SHOC1: variants seen among roughly 807,000 people sequenced by gnomAD.
The protein encoded by SHOC1 is shortage in chiasmata 1.
A neutral mutation model predicts 179.2 loss-of-function variants in SHOC1; 136 were observed. The ratio of observed to expected loss-of-function variants is 0.76; its 90% confidence interval spans 0.66 to 0.87. The LOEUF (loss-of-function observed/expected upper bound fraction) is 0.87, where lower values mean the gene tolerates loss of function less well. Ranked by LOEUF, SHOC1 falls within the 40% of genes least tolerant of loss-of-function variation. The probability of loss-of-function intolerance (pLI) is 0.00; values close to 1 mark genes in which losing one functional copy is unlikely to be tolerated. For missense variants in SHOC1, 1,538 were observed against 1,700.8 expected, an observed-to-expected ratio of 0.90 and a Z score of 1.68; for synonymous variants, 489 against 586.6, an observed-to-expected ratio of 0.83 and a Z score of 2.41.
chr9:111,688,786 A>G (rs1831293978), intron 27 of SHOC1, among the ~76,000 whole-genome samples: 1 of 150,482 alleles, frequency 6.6e-6, no homozygotes, highest in South Asian at 2.1e-4. Flanking sequence ...TAGAGTCTTT[A>G]ACATGCCATT....
intron 12 of SHOC1, among the ~76,000 whole-genome samples, chr9:111,728,694 G>A (rs1438791480): frequency 6.6e-6 from 1 of 152,182 alleles, no homozygotes; most frequent in Non-Finnish European, 1.5e-5. Flanking sequence ...CCACTAATGG[G>A]TACAGGATTT....
chr9:111,692,383 A>C lies in SHOC1; in HGVS notation c.3594T>G (p.Asp1198Glu), dbSNP rs528797120. ...STLSSQSSAS[D>E]LDSVIQEHNE... ...TATGTTCTTGAATGACAGAGTCTAAATCAGAAGCTGAACTTTGAGAAGACA... is the reference window on the plus strand; with the variant it reads ...TATGTTCTTGAATGACAGAGTCTAACTCAGAAGCTGAACTTTGAGAAGACA... Residue 1198 changes from aspartate to glutamate, a missense_variant, in exon 27 of 28, where the codon GAT becomes GAG. Asp to Glu is a conservative substitution (Grantham distance 45). Transcript: ENST00000682961. 4 of 1,613,596 alleles carry C rather than the reference A, an allele frequency of 2.5e-6. No individual in the cohort carries two copies. Among genetic ancestry groups the C allele is most frequent in the Non-Finnish European group, 3.4e-6 (4 of 1,179,808 alleles).
rs1833394496 is a variant in SHOC1 at position 111,728,127 on chromosome 9, A to G, written c.1418-78T>C. On this transcript the variant is annotated intron_variant, in intron 12 of 27. Coordinates refer to ENST00000682961, the MANE Select transcript of SHOC1 (RefSeq NM_001378211.1). The stretch of plus-strand genomic sequence containing the variant: ...TCTATTAGGTATTTGAATAACTTTT[A>G]GTTGTGGTTTCTTATTAATGTAATT... The G allele has an allele frequency of 3.9e-6, 4 of 1,036,394 alleles. No individual in the cohort carries two copies. The South Asian group carries it at 9.4e-5, about 24-fold the overall frequency. 64.2% of individuals were successfully genotyped at this position (1,036,394 alleles called of 1,614,324 possible).
chr9:111,772,550 G>A (rs823651), intron 5 of SHOC1, among the ~76,000 whole-genome samples: 11,567 of 152,176 alleles, frequency 0.076, 633 homozygotes, highest in South Asian at 0.21. Flanking sequence ...ACTTGTCTTG[G>A]TTTTTATTGG....
intron 1 of SHOC1, 21 bp from the exon 2 acceptor site, chr9:111,791,475 A>G: frequency 8.5e-7 from 1 of 1,173,464 alleles, no homozygotes; most frequent in East Asian, 2.9e-5. Context: ...AAAAATTAAA[A>G]TTAAACACTG....
At chr9:111,768,278 T>C (rs1589459298) in intron 5 of SHOC1, among the ~76,000 whole-genome samples, 1 of 151,120 alleles carries the variant, frequency 6.6e-6, no homozygotes, top group African/African-American at 2.4e-5. Context: ...CAGGCTGGAG[T>C]GCAGTGGTGA....
chr9:111,738,394 G>A lies in SHOC1; in HGVS notation c.1303C>T (p.Leu435=). 6.2e-7 allele frequency: 1 copy of A among 1,613,012 alleles called. No individual in the cohort carries two copies. Among genetic ancestry groups the A allele is most frequent in the South Asian group, 1.1e-5 (1 of 90,994 alleles). The change falls in exon 12 of 28, where the codon CTG becomes TTG. Residue 435 remains leucine (L), a synonymous_variant. Transcript: ENST00000682961. The stretch of plus-strand genomic sequence containing the variant: ...TGTTCCAATGTTTCCATCATTTTCA[G>A]ATTTAGTCCTGCTTGTTTCCACCAC... ...AEWWKQAGLN[L]KMMETLEHLN... is the part of the protein sequence containing the mutation.
chr9:111,710,553 T>G (rs1435292085), intron 18 of SHOC1, among the ~76,000 whole-genome samples: 1 of 151,974 alleles, frequency 6.6e-6, no homozygotes, highest in Non-Finnish European at 1.5e-5. Flanking sequence ...TTTTCCTGAG[T>G]GCTGGGAATA....
At chr9:111,702,555 C>CTAGTCCTTTGTGG (rs1832033177) in intron 22 of SHOC1, among the ~76,000 whole-genome samples, 1 of 152,194 alleles carries the variant, frequency 6.6e-6, no homozygotes. Context: ...TAATCAGATC[C>CTAGTCCTTTGTGG]TAGTCCTTTG....
At chr9:111,776,033 A>T in intron 4 of SHOC1, 58 bp from the exon 5 acceptor site, 1 of 1,341,302 alleles carries the variant, frequency 7.5e-7, no homozygotes, top group Non-Finnish European at 1.0e-6. Context: ...CACTTTTATT[A>T]GTAGATAATA....
At chr9:111,720,742 T>C (rs7865851) in intron 15 of SHOC1, among the ~76,000 whole-genome samples, 122,128 of 152,138 alleles carry the variant, frequency 0.8, 49,210 homozygotes, top group East Asian at 0.92. Flanking sequence ...TGCCATTAAT[T>C]GCATCCACTA....
chr9:111,703,983 G>C lies in SHOC1; in HGVS notation c.2865C>G (p.Ile955Met). Residue 955 changes from isoleucine (I) to methionine (M), a missense_variant, in exon 22 of 28, where the codon ATC becomes ATG. Physicochemically the swap from Ile to Met is conservative, Grantham distance 10. Coordinates refer to ENST00000682961, the MANE Select transcript of SHOC1 (RefSeq NM_001378211.1). ...CACTGCAGCCTCTCTCTACTAGTGAGATGTTATAGCTGTAAAATACAATAT... is the reference window on the plus strand; with the variant it reads ...CACTGCAGCCTCTCTCTACTAGTGACATGTTATAGCTGTAAAATACAATAT... ...ILQLLESNYN[I>M]SLVERGCSES... 1 of 1,558,372 alleles carries C rather than the reference G, an allele frequency of 6.4e-7. No homozygotes were observed. Among genetic ancestry groups the C allele is most frequent in the Non-Finnish European group, 8.8e-7 (1 of 1,138,348 alleles).
In SHOC1 at chr9:111,727,880, T is replaced by G. The variant is rs1463744044; in HGVS notation, c.1587A>C (p.Lys529Asn). The change falls in exon 13 of 28, where the codon AAA (lysine) becomes AAC (asparagine). Residue 529 changes from lysine (K) to asparagine (N), a missense_variant. Coordinates refer to ENST00000682961, the MANE Select transcript of SHOC1 (RefSeq NM_001378211.1). Reference protein sequence around the residue: ...FSDKGAAKEEKPKNDQEPVNR... With the variant: ...FSDKGAAKEENPKNDQEPVNR... ...TTACTGGTTCTTGGTCATTCTTTGGTTTTTCTTCTTTTGCTGCTCCTTTAT... is the reference window on the plus strand; with the variant it reads ...TTACTGGTTCTTGGTCATTCTTTGGGTTTTCTTCTTTTGCTGCTCCTTTAT... 1.9e-6 allele frequency: 3 copies of G among 1,612,944 alleles called. No homozygotes were observed. The highest frequency in any genetic ancestry group is 2.5e-6 in the Non-Finnish European group (3 of 1,179,586).
intron 5 of SHOC1, among the ~76,000 whole-genome samples, chr9:111,772,590 A>G (rs1425149088): frequency 6.6e-6 from 1 of 152,028 alleles, no homozygotes; most frequent in African/African-American, 2.4e-5. Context: ...CTTCACTACT[A>G]TTGCCTTTTT....
chr9:111,709,813 G>A (rs1173207543), intron 18 of SHOC1, among the ~76,000 whole-genome samples: 1 of 152,030 alleles, frequency 6.6e-6, no homozygotes, highest in Non-Finnish European at 1.5e-5. Context: ...GGGGATGGAG[G>A]GGATTCTCCA....
intron 13 of SHOC1, among the ~76,000 whole-genome samples, chr9:111,727,126 A>G (rs542740799): frequency 2.0e-5 from 3 of 152,116 alleles, no homozygotes; most frequent in African/African-American, 7.3e-5. Flanking sequence ...GATATGACAC[A>G]TTATATTACC....
intron 12 of SHOC1, among the ~76,000 whole-genome samples, chr9:111,734,851 G>A (rs2131468248): frequency 6.6e-6 from 1 of 152,232 alleles, no homozygotes; most frequent in Middle Eastern, 3.4e-3. Flanking sequence ...AGATTTAGGA[G>A]TACATGGGCA....
In SHOC1 at chr9:111,686,947, T is replaced by TC. The variant is rs1157202538; in HGVS notation, c.4427-78_4427-77insG. On this transcript the variant is annotated intron_variant, in intron 27 of 27. Transcript: ENST00000682961. ...ATAGGTTTTTTCTTTTCCTTTTTTT[T>TC]TTTTTTTTCTTTTTTGAGATGAAGT... 8 of 937,796 alleles carry TC rather than the reference T, an allele frequency of 8.5e-6. No individual in the cohort carries two copies. In the East Asian group the frequency reaches 2.4e-4, roughly 28 times the overall value. 58.1% of individuals were successfully genotyped at this position (937,796 alleles called of 1,614,324 possible).
chr9:111,728,081 C>G, intron 12 of SHOC1, 32 bp from the exon 13 acceptor site: 2 of 1,437,602 alleles, frequency 1.4e-6, no homozygotes, highest in South Asian at 2.9e-5. Flanking sequence ...ACACAAGTAA[C>G]TTCCACACCT....
Sources: allele counts gnomAD v4.1 joint callset (sites outside exome capture counted in the v4.1 genomes callset), GRCh38; gene constraint gnomAD v4.1.1; transcripts MANE v1.5; gene names NCBI Gene and HGNC (gene_info 2026-07-23, HGNC 2026-07-21).